MISP: variants seen among roughly 807,000 people sequenced by gnomAD.
MISP encodes mitotic interactor and substrate of PLK1.
MISP carries 51 observed loss-of-function variants against 49.3 expected under a neutral mutation model. That is an observed-to-expected ratio of 1.03 (90% CI 0.83 to 1.31). The LOEUF (loss-of-function observed/expected upper bound fraction) is 1.31, where lower values mean the gene tolerates loss of function less well. Ranked by LOEUF, MISP falls within the 50% of genes most tolerant of loss-of-function variation. The pLI is 0.00. For synonymous variants in MISP, 444 were observed against 392.6 expected, an observed-to-expected ratio of 1.13 and a Z score of -1.55; for missense variants, 1,084 against 935.1, an observed-to-expected ratio of 1.16 and a Z score of -2.08.
rs573800828 is a variant in MISP, at chr19:757,382, G to A, written c.436G>A (p.Val146Ile). 110 of 1,610,912 alleles carry A rather than the reference G, an allele frequency of 6.8e-5. No individual in the cohort carries two copies. Among genetic ancestry groups the A allele is most frequent in the Middle Eastern group, 6.6e-4 (4 of 6,056 alleles). Residue 146 changes from valine to isoleucine, a missense_variant, in exon 2 of 5, where the codon GTC becomes ATC. Coordinates refer to ENST00000215582, the MANE Select transcript of MISP (RefSeq NM_173481.4). ...TGACCTGGAGCGGGAGCGCTGGGCC[G>A]TCATCCAGGGCCAGGCAGTCAGGAA... Reference protein sequence around the residue: ...LCDLERERWAVIQGQAVRKSS... With the variant: ...LCDLERERWAIIQGQAVRKSS...
chr19:760,951 C>T (rs1379614492), intron 3 of MISP, among the ~76,000 whole-genome samples: 2 of 151,804 alleles, frequency 1.3e-5, no homozygotes, highest in Non-Finnish European at 2.9e-5. Context: ...AATTTTGATG[C>T]CTTGTTGTTA....
At chr19:756,858 T>G in intron 1 of MISP, 32 bp from the exon 2 acceptor site, 1 of 1,139,900 alleles carries the variant, frequency 8.8e-7, no homozygotes, top group Non-Finnish European at 1.2e-6. Flanking sequence ...GTGCTCTGAC[T>G]TGATGGCCCT....
Position 763,491 on chromosome 19 carries a change from CT to C in MISP, c.1951-5del, listed in dbSNP as rs779435112. ...CCTGGATCGGGGGAATTCATGCCTC[CT>C]TTTTGCAGGTCCTGGAAGCCATACG... On this transcript the variant is annotated splice_polypyrimidine_tract_variant and intron_variant, in intron 4 of 4. Transcript: ENST00000215582. 8 of 1,611,490 alleles carry C rather than the reference CT, an allele frequency of 5.0e-6. No individual in the cohort carries two copies. Among genetic ancestry groups the C allele is most frequent in the Non-Finnish European group, 6.8e-6 (8 of 1,177,830 alleles).
intron 3 of MISP, 33 bp downstream of exon 3, chr19:760,072 G>C (rs753065377): frequency 3.1e-6 from 5 of 1,611,908 alleles, no homozygotes; most frequent in Middle Eastern, 3.5e-4. Flanking sequence ...CAGAGGCCAG[G>C]CTGAGGTCAG....
chr19:752,839 G>A (rs965346021), intron 1 of MISP, among the ~76,000 whole-genome samples: 5 of 152,206 alleles, frequency 3.3e-5, no homozygotes, highest in South Asian at 2.1e-4. Flanking sequence ...CGCCCTCCCC[G>A]GGGAGCTCCA....
chr19:755,255 G>A (rs572576818), intron 1 of MISP, among the ~76,000 whole-genome samples: 5 of 152,316 alleles, frequency 3.3e-5, no homozygotes, highest in Middle Eastern at 3.4e-3. Flanking sequence ...GAGGGCGAGA[G>A]CCGGAAGGCA....
chr19:756,637 C>T (rs758226931), intron 1 of MISP, among the ~76,000 whole-genome samples: 2 of 149,460 alleles, frequency 1.3e-5, no homozygotes, highest in African/African-American at 2.6e-5. Context: ...TACTGTGTCA[C>T]GCACCCCTAA....
chr19:757,660 C>A lies in MISP; in HGVS notation c.714C>A (p.His238Gln). ...CCCCCAAGGCCTTCAACAAGCCCCACCTGGCCAACGGGCACGTGGTTCCCA... is the reference window on the plus strand; with the variant it reads ...CCCCCAAGGCCTTCAACAAGCCCCAACTGGCCAACGGGCACGTGGTTCCCA... Reference protein sequence around the residue: ...SQAPKAFNKPHLANGHVVPIK... With the variant: ...SQAPKAFNKPQLANGHVVPIK... Residue 238 changes from histidine (H) to glutamine (Q), a missense_variant, in exon 2 of 5, where the codon CAC becomes CAA. Coordinates refer to ENST00000215582, the MANE Select transcript of MISP (RefSeq NM_173481.4). 6.2e-7 allele frequency: 1 copy of A among 1,613,470 alleles called. No individual in the cohort carries two copies. The highest frequency in any genetic ancestry group is 8.5e-7 in the Non-Finnish European group (1 of 1,179,826).
intron 4 of MISP, among the ~76,000 whole-genome samples, chr19:761,881 C>A (rs2033678081): frequency 6.6e-6 from 1 of 152,178 alleles, no homozygotes; most frequent in African/African-American, 2.4e-5. Context: ...GCCACCTCTC[C>A]ACCACGTGGT....
At chr19:760,308 A>G (rs984309770) in intron 3 of MISP, 1 of 345,934 alleles carries the variant, frequency 2.9e-6, no homozygotes, top group African/African-American at 2.2e-5. Flanking sequence ...CAAAGGACCA[A>G]CTCTGCTTGG....
In MISP at chr19:763,985, T is replaced by A. The variant is rs778737456; in HGVS notation, c.*395T>A. On this transcript the variant is annotated 3_prime_UTR_variant, in exon 5 of 5. Coordinates refer to ENST00000215582, the MANE Select transcript of MISP (RefSeq NM_173481.4). ...GAGGGTGGCACAGATCGCAGCACCT[T>A]GAGGGGCTGCGGGTCTGAGGGAGGA... 5 of 164,640 alleles carry A rather than the reference T, an allele frequency of 3.0e-5. No homozygotes were observed. In the South Asian group the frequency reaches 8.1e-4, roughly 27 times the overall value. The allele number at this position is 164,640 out of a possible 1,614,324, so 10.2% of individuals were successfully genotyped here. A position where few individuals can be genotyped will look rare whatever the true frequency, so the allele number is the denominator to read the frequency against.
Position 753,158 on chromosome 19 carries a change from C to T in MISP, c.-58+1987C>T, listed in dbSNP as rs148188412. Among the ~76,000 whole-genome samples the T allele has an allele frequency of 3.7e-4, 57 of 152,302 alleles. No homozygotes were observed. In the East Asian group the frequency reaches 0.01, roughly 27 times the overall value. On this transcript the variant is annotated intron_variant, in intron 1 of 4. Transcript: ENST00000215582. ...CCTCGGGTCAGGGGAGCCATCTGTGCGTCACGCTTTGGGAGGAAGCTCAGC... is the reference window on the plus strand; with the variant it reads ...CCTCGGGTCAGGGGAGCCATCTGTGTGTCACGCTTTGGGAGGAAGCTCAGC...
At position 758,630 on chromosome 19, in the gene MISP, G is replaced by A; in HGVS notation, c.1684G>A (p.Ala562Thr). 1 of 1,614,240 alleles carries A rather than the reference G, an allele frequency of 6.2e-7. No individual in the cohort carries two copies. Among genetic ancestry groups the A allele is most frequent in the Non-Finnish European group, 8.5e-7 (1 of 1,180,036 alleles). Reference sequence around the variant, plus strand: ...TGTCCTGCGCCGGGAGCAAGAGGTGGCAGAGGAGCGGAGAAATGCTCTCTT... The same window carrying A: ...TGTCCTGCGCCGGGAGCAAGAGGTGACAGAGGAGCGGAGAAATGCTCTCTT... ...ESVLRREQEV[A>T]EERRNALFPE... Residue 562 changes from alanine to threonine, a missense_variant, in exon 2 of 5, where the codon GCA becomes ACA. Coordinates refer to ENST00000215582, the MANE Select transcript of MISP (RefSeq NM_173481.4).
intron 1 of MISP, among the ~76,000 whole-genome samples, chr19:754,044 A>G (rs1228332104): frequency 2.0e-5 from 3 of 152,076 alleles, no homozygotes; most frequent in Non-Finnish European, 4.4e-5. Flanking sequence ...TCTGCTGGAC[A>G]CGGTGGCTCA....
intron 1 of MISP, among the ~76,000 whole-genome samples, chr19:756,633 GT>G (rs1481647026): frequency 6.6e-6 from 1 of 152,046 alleles, no homozygotes; most frequent in East Asian, 1.9e-4. Flanking sequence ...GCTGTACTGT[GT>G]CACGCACCCC....
At position 758,998 on chromosome 19, in the gene MISP, G is replaced by GTTTTGT. The variant is rs754267440; in HGVS notation, c.1780+289_1780+294dup. Among the ~76,000 whole-genome samples, 11 of 152,242 alleles carry GTTTTGT rather than the reference G, an allele frequency of 7.2e-5. No homozygotes were observed. The East Asian group carries it at 1.2e-3, about 16-fold the overall frequency. ...ATAAATGTTCATATATGTTTTGTGT[G>GTTTTGT]TTTTGTTTTTGTTTTTGTTTTTTGT... is the stretch of plus-strand genomic sequence containing the variant. On this transcript the variant is annotated intron_variant, in intron 2 of 4. Coordinates refer to ENST00000215582, the MANE Select transcript of MISP (RefSeq NM_173481.4).
chr19:762,718 A>T (rs778372684), intron 4 of MISP, among the ~76,000 whole-genome samples: 8 of 151,266 alleles, frequency 5.3e-5, no homozygotes, highest in Non-Finnish European at 8.8e-5. Flanking sequence ...GAGTGCTATG[A>T]TGTGGTCCCA....
intron 1 of MISP, among the ~76,000 whole-genome samples, chr19:753,835 G>A (rs1023412321): frequency 6.6e-6 from 1 of 151,794 alleles, no homozygotes; most frequent in East Asian, 2.0e-4. Context: ...GGAGTGCAAT[G>A]GCACAATCTC....
In MISP at chr19:756,924, C is replaced by A; in HGVS notation, c.-23C>A. The A allele has an allele frequency of 6.7e-7, 1 of 1,493,092 alleles. No individual in the cohort carries two copies. 92.5% of individuals were successfully genotyped at this position (1,493,092 alleles called of 1,614,324 possible). On this transcript the variant is annotated 5_prime_UTR_variant, in exon 2 of 5. The change creates a new upstream start codon in the 5' untranslated region. Transcript: ENST00000215582. ...AGGTCTCCACCCCACGGGAGGAAGG[C>A]TGAGGCCAAGACCCCGGAAGAGATG...
Sources: gnomAD v4.1 joint callset for allele counts (sites outside exome capture counted in the v4.1 genomes callset) on GRCh38, gnomAD v4.1.1 for gene constraint, MANE v1.5 for transcripts, NCBI Gene and HGNC (gene_info 2026-07-23, HGNC 2026-07-21) for gene names.